The following REG4 variants were observed in gnomAD, a reference collection of about 807,000 sequenced individuals.
The protein encoded by REG4 is regenerating family member 4, also known as regenerating islet-derived protein 4.
A neutral mutation model predicts 22.3 loss-of-function variants in REG4; 16 were observed. The ratio of observed to expected loss-of-function variants is 0.72; its 90% CI spans 0.49 to 1.09. The LOEUF (loss-of-function observed/expected upper bound fraction) is 1.09. Ranked by LOEUF, REG4 falls within the 50% of genes least tolerant of loss-of-function variation. The pLI, the probability that REG4 is intolerant of heterozygous loss-of-function variation, is 0.00. For synonymous variants in REG4, 71 were observed against 69.2 expected, an observed-to-expected ratio of 1.03 and a Z score of -0.13; for missense variants, 214 against 193.9, an observed-to-expected ratio of 1.10 and a Z score of -0.61.
At chr1:119,795,323 A>C (rs755667356) in intron 5 of REG4, among the ~76,000 whole-genome samples, 1 of 152,170 alleles carries the variant, frequency 6.6e-6, no homozygotes, top group African/African-American at 2.4e-5. Flanking sequence ...GGCAGGATGC[A>C]GTGAGGATCT....
At chr1:119,802,280 G>A (rs890433078) in intron 3 of REG4, 18 of 936,528 alleles carry the variant, frequency 1.9e-5, no homozygotes, top group South Asian at 1.5e-4. Flanking sequence ...TTTAAATGTC[G>A]CAATCCTGCA....
intron 2 of REG4, among the ~76,000 whole-genome samples, chr1:119,808,200 A>G (rs939264990): frequency 2.6e-5 from 4 of 151,986 alleles, no homozygotes; most frequent in African/African-American, 2.4e-5. Context: ...TGCTTTCTCT[A>G]TTGGTGGATT....
chr1:119,803,289 C>T (rs1654181758), intron 2 of REG4, 124 bp from the exon 3 acceptor site: 1 of 976,710 alleles, frequency 1.0e-6, no homozygotes, highest in Non-Finnish European at 1.4e-6. Flanking sequence ...GGTCCTGCTA[C>T]ACTGCCAAAA....
At chr1:119,805,437 T>C (rs1214614153) in intron 2 of REG4, among the ~76,000 whole-genome samples, 1 of 152,090 alleles carries the variant, frequency 6.6e-6, no homozygotes, top group African/African-American at 2.4e-5. Flanking sequence ...GAAGCAACTG[T>C]CCTTGGCCTT....
rs1331237723 is a variant in REG4 at position 119,794,594 on chromosome 1, G to A, written c.*24C>T. On this transcript the variant is annotated 3_prime_UTR_variant, in exon 6 of 6. Transcript: ENST00000256585. ...AGGAAGAGGACGGGGCTGTGCAGGAGTTAGCAGAATCTTGATTCTTGCTCT... is the reference window on the plus strand; with the variant it reads ...AGGAAGAGGACGGGGCTGTGCAGGAATTAGCAGAATCTTGATTCTTGCTCT... 6.2e-7 allele frequency: 1 copy of A among 1,605,362 alleles called. No homozygotes were observed. Among genetic ancestry groups the A allele is most frequent in the Admixed American group, 1.7e-5 (1 of 60,004 alleles).
chr1:119,796,627 G>A (rs1441012), intron 5 of REG4, among the ~76,000 whole-genome samples: 62,168 of 151,986 alleles, frequency 0.41, 13,762 homozygotes, highest in East Asian at 0.76. Context: ...AGGGGGATGG[G>A]CTTTTAAATT....
chr1:119,802,331 C>T (rs1301582390), intron 3 of REG4: 1 of 985,722 alleles, frequency 1.0e-6, no homozygotes, highest in African/African-American at 1.7e-5. Context: ...ACCTTCATAG[C>T]CTCAGTAGCT....
chr1:119,802,299 G>A (rs1654133448), intron 3 of REG4: 1 of 972,668 alleles, frequency 1.0e-6, no homozygotes. Flanking sequence ...CATTAATCCT[G>A]GGCTTTCTAA....
At position 119,810,188 on chromosome 1, in the gene REG4, A is replaced by G. The variant is rs942654295; in HGVS notation, c.-95+1221T>C. On this transcript the variant is annotated intron_variant, in intron 1 of 5. Coordinates refer to ENST00000256585, the MANE Select transcript of REG4 (RefSeq NM_032044.4). ...TTTTAAAAATAATTTTTAAATTTAT[A>G]TCAAAAGACTGGCCATTACTGTCAC... is the stretch of plus-strand genomic sequence containing the variant. 3.3e-5 allele frequency among the ~76,000 whole-genome samples: 5 copies of G among 152,176 alleles called. No homozygotes were observed. The East Asian group carries it at 7.7e-4, about 23-fold the overall frequency.
In REG4 at chr1:119,808,823, G is replaced by A; in HGVS notation, c.-54C>T. The A allele has an allele frequency of 1.5e-6, 2 of 1,348,682 alleles. No individual in the cohort carries two copies. Among genetic ancestry groups the A allele is most frequent in the Non-Finnish European group, 1.1e-6 (1 of 946,390 alleles). The allele number at this position is 1,348,682 out of a possible 1,614,324, so 83.5% of individuals were successfully genotyped here. ...TGCAAGGATCTCAGAGACCTTACTAGCGCTTCTTTGAAACTCCTGGGTTCT... is the reference window on the plus strand; with the variant it reads ...TGCAAGGATCTCAGAGACCTTACTAACGCTTCTTTGAAACTCCTGGGTTCT... On this transcript the variant is annotated 5_prime_UTR_variant, in exon 2 of 6. Coordinates refer to ENST00000256585, the MANE Select transcript of REG4 (RefSeq NM_032044.4).
chr1:119,809,456 A>G (rs1030400187), intron 1 of REG4, among the ~76,000 whole-genome samples: 29 of 152,224 alleles, frequency 1.9e-4, no homozygotes, highest in African/African-American at 7.0e-4. Context: ...AGCAAACAAC[A>G]CATGAGCTAT....
intron 2 of REG4, among the ~76,000 whole-genome samples, chr1:119,807,431 G>T (rs952967429): frequency 2.6e-5 from 4 of 152,224 alleles, no homozygotes; most frequent in African/African-American, 7.2e-5. Context: ...AGAAGCCAGA[G>T]AGTTTAGTGA....
intron 3 of REG4, chr1:119,802,612 GAA>G: frequency 7.6e-7 from 1 of 1,315,542 alleles, no homozygotes; most frequent in South Asian, 2.4e-5. Flanking sequence ...TAGAGCAGCG[GAA>G]AAGTTTCCAC....
In REG4 at chr1:119,806,911, T is replaced by A. The variant is rs1160871094; in HGVS notation, c.67+1792A>T. Among the ~76,000 whole-genome samples, 5 of 152,184 alleles carry A rather than the reference T, an allele frequency of 3.3e-5. No homozygotes were observed. The East Asian group carries it at 9.6e-4, about 29-fold the overall frequency. On this transcript the variant is annotated intron_variant, in intron 2 of 5. Transcript: ENST00000256585. ...AACAATATATGCCTTCTTCACACAG[T>A]TGTTGGGAAGATTAATTAAGATAAT...
chr1:119,802,686 A>G, intron 3 of REG4: 2 of 1,420,806 alleles, frequency 1.4e-6, no homozygotes, highest in Non-Finnish European at 1.8e-6. Flanking sequence ...AGGCATGTCT[A>G]CACACCACTC....
At chr1:119,807,484 T>C (rs1159198480) in intron 2 of REG4, among the ~76,000 whole-genome samples, 1 of 152,160 alleles carries the variant, frequency 6.6e-6, no homozygotes, top group Non-Finnish European at 1.5e-5. Context: ...TTCCCCAGGA[T>C]ATAGCTTGGG....
In REG4 at chr1:119,794,207, G is replaced by C. The variant is rs587613493; in HGVS notation, c.*411C>G. ...GCAGGAGTTGAGTGGCTGGGGTGGG[G>C]TGCAGGCAATGGAGAGAGGGCAGAA... On this transcript the variant is annotated 3_prime_UTR_variant, in exon 6 of 6. Transcript: ENST00000256585. The C allele has an allele frequency of 6.3e-5, 34 of 537,538 alleles. 1 individual carries two copies. The highest frequency in any genetic ancestry group is 4.7e-4 in the South Asian group (34 of 71,610). 33.3% of individuals were successfully genotyped at this position (537,538 alleles called of 1,614,324 possible).
intron 3 of REG4, chr1:119,802,800 T>G (rs1344698795): frequency 6.7e-7 from 1 of 1,490,904 alleles, no homozygotes; most frequent in Non-Finnish European, 8.9e-7. Flanking sequence ...TTACTGACAG[T>G]GAGCTTGCTG....
chr1:119,804,506 C>A (rs1241827151), intron 2 of REG4, among the ~76,000 whole-genome samples: 8 of 152,174 alleles, frequency 5.3e-5, no homozygotes, highest in African/African-American at 1.7e-4. Flanking sequence ...AATGACCAAC[C>A]TAACTACGGC....
Sources: gnomAD v4.1 joint callset for allele counts (sites outside exome capture counted in the v4.1 genomes callset) on GRCh38, gnomAD v4.1.1 for gene constraint, MANE v1.5 for transcripts, NCBI Gene and HGNC (gene_info 2026-07-23, HGNC 2026-07-21) for gene names.